Variants in COMMD10 observed in about 807,000 individuals in gnomAD.
COMMD10 encodes the protein COMM domain-containing protein 10.
Under a neutral mutation model 28.9 loss-of-function variants are expected in COMMD10, and 33 were observed. The observed-to-expected ratio is 1.14, with a 90% confidence interval of 0.87 to 1.53. The LOEUF (loss-of-function observed/expected upper bound fraction) is 1.53, where lower values mean the gene tolerates loss of function less well. Ranked by LOEUF, COMMD10 falls within the 40% of genes most tolerant of loss-of-function variation. The probability of loss-of-function intolerance (pLI) is 0.00; values close to 1 mark genes in which losing one functional copy is unlikely to be tolerated. For synonymous variants in COMMD10, 110 were observed against 81.7 expected (o/e 1.35, Z -1.87); for missense variants, 310 against 233.4 (o/e 1.33, Z -2.14).
chr5:116,092,693 C>T lies in COMMD10; in HGVS notation c.392C>T (p.Pro131Leu). The change falls in exon 4 of 7, where the codon CCC (proline) becomes CTC (leucine). Residue 131 changes from proline (P) to leucine (L), a missense_variant. Transcript: ENST00000274458. Reference protein sequence around the residue: ...VEKFRQRILAPCKLETVGWQL... With the variant: ...VEKFRQRILALCKLETVGWQL... ...AAGTTCCGGCAGAGAATTCTGGCTC[C>T]CTGTAAGGTATAGAACATACTGTCT... is the stretch of plus-strand genomic sequence containing the variant. 1.2e-6 allele frequency: 2 copies of T among 1,602,282 alleles called. No individual in the cohort carries two copies. Among genetic ancestry groups the T allele is most frequent in the Non-Finnish European group, 1.7e-6 (2 of 1,174,068 alleles).
At chr5:116,122,839 C>T (rs1303638807) in intron 4 of COMMD10, among the ~76,000 whole-genome samples, 2 of 152,172 alleles carry the variant, frequency 1.3e-5, no homozygotes, top group African/African-American at 2.4e-5. Context: ...TATCCTGAGA[C>T]TTTGCTGAAA....
At chr5:116,246,035 A>G (rs1749943932) in intron 5 of COMMD10, among the ~76,000 whole-genome samples, 1 of 152,180 alleles carries the variant, frequency 6.6e-6, no homozygotes, top group Non-Finnish European at 1.5e-5. Context: ...GGAAGAGAGG[A>G]AGTCAGACTA....
chr5:116,108,328 A>G (rs1750913615), intron 4 of COMMD10, among the ~76,000 whole-genome samples: 1 of 152,222 alleles, frequency 6.6e-6, no homozygotes, highest in Non-Finnish European at 1.5e-5. Context: ...TTTATCTATA[A>G]GTCCCTGACT....
chr5:116,142,076 C>T (rs1752212334), intron 5 of COMMD10, among the ~76,000 whole-genome samples: 1 of 151,716 alleles, frequency 6.6e-6, no homozygotes, highest in South Asian at 2.1e-4. Context: ...TTAAACTTAC[C>T]ACAAAGATGC....
rs1446607043 is a variant in COMMD10 at position 116,254,926 on chromosome 5, G to A, written c.511-36591G>A. ...TAAAGTCTCCCATTATTAATGTGTG[G>A]GAGTCTAAGTCTCTTTGTAGGTCAC... On this transcript the variant is annotated intron_variant, in intron 5 of 6. Coordinates refer to ENST00000274458, the MANE Select transcript of COMMD10 (RefSeq NM_016144.4). Among the ~76,000 whole-genome samples the A allele has an allele frequency of 1.3e-5, 2 of 151,206 alleles. 1 individual carries two copies. Among genetic ancestry groups the A allele is most frequent in the African/African-American group, 4.9e-5 (2 of 40,772 alleles).
chr5:116,189,538 T>G (rs78797058), intron 5 of COMMD10, among the ~76,000 whole-genome samples: 1 of 152,190 alleles, frequency 6.6e-6, no homozygotes, highest in African/African-American at 2.4e-5. Context: ...CCGAATTGTT[T>G]CCTACTTAAC....
At chr5:116,284,342 ATG>A (rs554295170) in intron 5 of COMMD10, among the ~76,000 whole-genome samples, 8 of 138,430 alleles carry the variant, frequency 5.8e-5, no homozygotes, top group South Asian at 4.4e-4. Flanking sequence ...GTGTGTATGT[ATG>A]TGTGTGTGTG....
intron 5 of COMMD10, among the ~76,000 whole-genome samples, chr5:116,221,102 T>G (rs1749240771): frequency 1.3e-5 from 2 of 150,236 alleles, no homozygotes; most frequent in Non-Finnish European, 3.0e-5. Flanking sequence ...TTTTTTTAAC[T>G]GTTCCAAAGG....
intron 4 of COMMD10, among the ~76,000 whole-genome samples, chr5:116,098,357 A>G (rs1750533073): frequency 6.6e-6 from 1 of 152,202 alleles, no homozygotes. Context: ...TCCTACCCAC[A>G]TAAACTGTGG....
intron 5 of COMMD10, among the ~76,000 whole-genome samples, chr5:116,219,140 C>G (rs1474886968): frequency 6.6e-6 from 1 of 152,132 alleles, no homozygotes; most frequent in Admixed American, 6.5e-5. Flanking sequence ...CTGCGGACAA[C>G]TTGATCTTGG....
At chr5:116,114,333 T>C (rs1288384387) in intron 4 of COMMD10, among the ~76,000 whole-genome samples, 1 of 152,102 alleles carries the variant, frequency 6.6e-6, no homozygotes, top group African/African-American at 2.4e-5. Context: ...CTTGGGTAGC[T>C]GGGTGGCCTC....
chr5:116,209,459 A>C (rs1748902888), intron 5 of COMMD10, among the ~76,000 whole-genome samples: 1 of 152,144 alleles, frequency 6.6e-6, no homozygotes, highest in African/African-American at 2.4e-5. Context: ...ATTCTGTATG[A>C]CTTTTAGTTC....
intron 5 of COMMD10, among the ~76,000 whole-genome samples, chr5:116,259,229 A>G (rs1750373980): frequency 6.6e-6 from 1 of 151,100 alleles, no homozygotes; most frequent in South Asian, 2.1e-4. Context: ...TGCCTGGCCA[A>G]TTTTTGTATT....
Position 116,209,633 on chromosome 5 carries a change from A to G in COMMD10, c.510+75455A>G, listed in dbSNP as rs546302239. ...TTAAATGGTCTCAAAACACTAAGAA[A>G]AAAAGCCAACGTATAAAATTCAATA... is the stretch of plus-strand genomic sequence containing the variant. On this transcript the variant is annotated intron_variant, in intron 5 of 6. Transcript: ENST00000274458. 5.9e-5 allele frequency among the ~76,000 whole-genome samples: 9 copies of G among 152,300 alleles called. No individual in the cohort carries two copies. The East Asian group carries it at 1.7e-3, about 29-fold the overall frequency.
chr5:116,210,571 C>T (rs1748935278), intron 5 of COMMD10, among the ~76,000 whole-genome samples: 4 of 152,028 alleles, frequency 2.6e-5, no homozygotes, highest in Admixed American at 2.6e-4. Context: ...TACAAACTTA[C>T]TATTAGACAT....
intron 5 of COMMD10, among the ~76,000 whole-genome samples, chr5:116,260,177 G>C (rs538942677): frequency 6.6e-6 from 1 of 151,728 alleles, no homozygotes; most frequent in East Asian, 1.9e-4. Flanking sequence ...GAAATTAAGA[G>C]AACTAAGAGA....
intron 4 of COMMD10, among the ~76,000 whole-genome samples, chr5:116,129,938 A>T (rs1751812168): frequency 6.6e-6 from 1 of 150,890 alleles, no homozygotes. Context: ...CTGAATACTG[A>T]TTATTCTCTG....
At chr5:116,186,965 G>A (rs1748158131) in intron 5 of COMMD10, among the ~76,000 whole-genome samples, 1 of 152,042 alleles carries the variant, frequency 6.6e-6, no homozygotes, top group African/African-American at 2.4e-5. Flanking sequence ...CTAGAAATAT[G>A]TAATAATTTC....
chr5:116,087,357 G>T, intron 1 of COMMD10, 140 bp from the exon 2 acceptor site: 2 of 593,348 alleles, frequency 3.4e-6, no homozygotes, highest in Non-Finnish European at 6.0e-6. Flanking sequence ...CTTTTTTGCT[G>T]GCTGTCATCT....
Sources: gnomAD v4.1 joint callset for allele counts (sites outside exome capture counted in the v4.1 genomes callset) on GRCh38, gnomAD v4.1.1 for gene constraint, MANE v1.5 for transcripts, NCBI Gene and HGNC (gene_info 2026-07-23, HGNC 2026-07-21) for gene names.